The following PROS1 variants were observed in gnomAD, a reference collection of about 807,000 sequenced individuals.
PROS1 encodes protein S, also known as vitamin K-dependent protein S.
Under a neutral mutation model 75.9 loss-of-function variants are expected in PROS1, and 29 were observed. That is an observed-to-expected ratio of 0.38 (90% CI 0.28 to 0.52). PROS1 has a LOEUF of 0.52. PROS1 is among the 20% of genes least tolerant of loss of function. The pLI is 0.83. For synonymous variants in PROS1, 245 were observed against 280.6 expected (o/e 0.87, Z 1.27); for missense variants, 680 against 810.3 (o/e 0.84, Z 1.95).
intron 4 of PROS1, among the ~76,000 whole-genome samples, chr3:93,909,243 G>T (rs1270947093): frequency 2.0e-5 from 3 of 151,956 alleles, no homozygotes; most frequent in African/African-American, 2.4e-5. Context: ...TCTGAGACCA[G>T]CCTGGAGAAC....
At chr3:93,899,123 T>G (rs1358561529) in intron 7 of PROS1, among the ~76,000 whole-genome samples, 1 of 151,398 alleles carries the variant, frequency 6.6e-6, no homozygotes, top group Non-Finnish European at 1.5e-5. Flanking sequence ...TAATTAATGT[T>G]GGCAGTGAAT....
rs569326559 is a variant in PROS1, at chr3:93,955,705, C to A, written c.76+17969G>T. On this transcript the variant is annotated intron_variant, in intron 1 of 14. Transcript: ENST00000394236. ...CAAACCTGCACGTTGTGTACATGTA[C>A]CCTAGAACTTAAAGTATAAAAAAAA... Among the ~76,000 whole-genome samples, 49 of 150,492 alleles carry A rather than the reference C, an allele frequency of 3.3e-4. 1 individual carries two copies. Among genetic ancestry groups the A allele is most frequent in the African/African-American group, 1.2e-3 (49 of 40,606 alleles).
At chr3:93,904,979 T>G (rs972463342) in intron 6 of PROS1, among the ~76,000 whole-genome samples, 1 of 152,132 alleles carries the variant, frequency 6.6e-6, no homozygotes, top group African/African-American at 2.4e-5. Flanking sequence ...GAAAGAAAAC[T>G]AGATCTTTTA....
intron 6 of PROS1, among the ~76,000 whole-genome samples, chr3:93,904,675 T>C (rs1708647709): frequency 6.6e-6 from 1 of 152,164 alleles, no homozygotes; most frequent in Non-Finnish European, 1.5e-5. Context: ...TTGGATATTA[T>C]ATTGTATCCA....
At chr3:93,938,944 C>T (rs966421187) in intron 1 of PROS1, among the ~76,000 whole-genome samples, 2 of 152,150 alleles carry the variant, frequency 1.3e-5, no homozygotes, top group African/African-American at 4.8e-5. Flanking sequence ...CCCAGGGCTG[C>T]TCACCACCCC....
intron 1 of PROS1, among the ~76,000 whole-genome samples, chr3:93,967,576 G>A (rs1644291448): frequency 6.6e-6 from 1 of 152,146 alleles, no homozygotes; most frequent in Non-Finnish European, 1.5e-5. Flanking sequence ...TATGTTCTCT[G>A]TACCAGCAAT....
intron 10 of PROS1, among the ~76,000 whole-genome samples, chr3:93,890,438 T>A (rs1708415699): frequency 6.6e-6 from 1 of 152,194 alleles, no homozygotes; most frequent in Non-Finnish European, 1.5e-5. Flanking sequence ...AAGCATGTGA[T>A]CTTTGTGACC....
intron 12 of PROS1, among the ~76,000 whole-genome samples, chr3:93,881,941 A>T (rs1018233532): frequency 6.6e-6 from 1 of 152,202 alleles, no homozygotes; most frequent in Non-Finnish European, 1.5e-5. Flanking sequence ...TAGTGTTAAC[A>T]ATTTATAATG....
chr3:93,898,367 G>T, intron 8 of PROS1, 81 bp downstream of exon 8: 1 of 1,509,216 alleles, frequency 6.6e-7, no homozygotes, highest in Non-Finnish European at 9.2e-7. Flanking sequence ...GTATTTTCCT[G>T]ACTTAGCTAT....
chr3:93,934,008 CAAA>C (rs60441503), intron 1 of PROS1, among the ~76,000 whole-genome samples: 11 of 88,554 alleles, frequency 1.2e-4, no homozygotes, highest in Non-Finnish European at 1.3e-4. Context: ...GACTCTGTCT[CAAA>C]AAAAAAAAAA....
chr3:93,950,859 C>T (rs1367648069), intron 1 of PROS1, among the ~76,000 whole-genome samples: 1 of 152,100 alleles, frequency 6.6e-6, no homozygotes, highest in South Asian at 2.1e-4. Context: ...TGAGAGAAGG[C>T]TTCAGACGAT....
rs1708353271 is a variant in PROS1 at position 93,886,611 on chromosome 3, G to C, written c.1156-108C>G. The C allele has an allele frequency of 2.5e-5, 21 of 842,972 alleles. No homozygotes were observed. The East Asian group carries it at 5.4e-4, about 22-fold the overall frequency. 52.2% of individuals were successfully genotyped at this position (842,972 alleles called of 1,614,324 possible). Reference sequence around the variant, plus strand: ...TATTCCAATAAAATACTTCTGTAAAGTAATCATTTTAATGTAATTATTAAT... The same window carrying C: ...TATTCCAATAAAATACTTCTGTAAACTAATCATTTTAATGTAATTATTAAT... On this transcript the variant is annotated intron_variant, in intron 10 of 14. Transcript: ENST00000394236.
At chr3:93,966,042 C>T (rs760519733) in intron 1 of PROS1, among the ~76,000 whole-genome samples, 5 of 152,138 alleles carry the variant, frequency 3.3e-5, no homozygotes, top group Non-Finnish European at 7.4e-5. Flanking sequence ...GGGGACAAAA[C>T]ATCCTAACCA....
chr3:93,882,088 T>G (rs1186239878), intron 12 of PROS1, among the ~76,000 whole-genome samples: 2 of 152,136 alleles, frequency 1.3e-5, no homozygotes, highest in Admixed American at 1.3e-4. Flanking sequence ...AGAAATAATA[T>G]TAATATTCAA....
chr3:93,874,784 A>C (rs1329426051), intron 14 of PROS1, among the ~76,000 whole-genome samples: 3 of 152,116 alleles, frequency 2.0e-5, no homozygotes, highest in African/African-American at 7.2e-5. Flanking sequence ...CTTAACTCCA[A>C]ATTATAGCTA....
chr3:93,910,725 T>C lies in PROS1; in HGVS notation c.260-20A>G, dbSNP rs201876381. 6.3e-6 allele frequency: 10 copies of C among 1,584,304 alleles called. No homozygotes were observed. The African/African-American group carries it at 1.2e-4, about 19-fold the overall frequency. On this transcript the variant is annotated intron_variant, in intron 3 of 14. Transcript: ENST00000394236. ...GACAAACTGAAAATAAAAACAAACA[T>C]AATCTTCTTAGAGTAGACACACATA...
chr3:93,964,205 G>A (rs2107264902), intron 1 of PROS1, among the ~76,000 whole-genome samples: 1 of 152,272 alleles, frequency 6.6e-6, no homozygotes, highest in Admixed American at 6.5e-5. Flanking sequence ...CAGAATAACA[G>A]TGATTTTAGG....
intron 1 of PROS1, among the ~76,000 whole-genome samples, chr3:93,970,634 T>C (rs1193159512): frequency 6.6e-6 from 1 of 152,150 alleles, no homozygotes; most frequent in Non-Finnish European, 1.5e-5. Flanking sequence ...TGAGCGGCTA[T>C]GACCGGGTGA....
intron 12 of PROS1, among the ~76,000 whole-genome samples, chr3:93,879,824 G>A (rs903982512): frequency 2.0e-5 from 3 of 152,126 alleles, no homozygotes; most frequent in Admixed American, 2.0e-4. Flanking sequence ...TTTGAAATCA[G>A]AATAGGAACC....
Sources: gnomAD v4.1 joint callset for allele counts (sites outside exome capture counted in the v4.1 genomes callset) on GRCh38, gnomAD v4.1.1 for gene constraint, MANE v1.5 for transcripts, NCBI Gene and HGNC (gene_info 2026-07-23, HGNC 2026-07-21) for gene names.